PDE3A: variants seen among roughly 807,000 people sequenced by gnomAD.
PDE3A encodes cGMP-inhibited 3',5'-cyclic phosphodiesterase 3A.
In PDE3A, 43 loss-of-function variants were observed where a neutral mutation model predicts 98.3. The ratio of observed to expected loss-of-function variants is 0.44; its 90% confidence interval spans 0.34 to 0.56. The LOEUF is 0.56. Ranked by LOEUF, PDE3A falls within the 20% of genes least tolerant of loss-of-function variation. The probability of loss-of-function intolerance (pLI) is 0.01; values close to 1 mark genes in which losing one functional copy is unlikely to be tolerated. For synonymous variants in PDE3A, 663 were observed against 567.9 expected (o/e 1.17, Z -2.38); for missense variants, 1,427 against 1,440.7 (o/e 0.99, Z 0.15).
chr12:20,522,209 G>A (rs1680041787), intron 1 of PDE3A, among the ~76,000 whole-genome samples: 1 of 152,102 alleles, frequency 6.6e-6, no homozygotes, highest in African/African-American at 2.4e-5. Context: ...ATGTGCTTGC[G>A]ATACAGTGAC....
chr12:20,421,775 T>G (rs1351609190), intron 1 of PDE3A, among the ~76,000 whole-genome samples: 2 of 152,134 alleles, frequency 1.3e-5, no homozygotes, highest in Non-Finnish European at 2.9e-5. Flanking sequence ...TCTAGCTTCT[T>G]GCTCCTTTGA....
At chr12:20,504,615 T>G (rs1946082090) in intron 1 of PDE3A, among the ~76,000 whole-genome samples, 1 of 152,134 alleles carries the variant, frequency 6.6e-6, no homozygotes, top group African/African-American at 2.4e-5. Context: ...CTCAAGTATC[T>G]GAGAGGGATC....
intron 1 of PDE3A, among the ~76,000 whole-genome samples, chr12:20,416,781 C>A (rs556905517): frequency 6.6e-6 from 1 of 152,082 alleles, no homozygotes; most frequent in Non-Finnish European, 1.5e-5. Flanking sequence ...GCAAATTCTT[C>A]TTTGCCCAGG....
Position 20,370,058 on chromosome 12 carries a change from C to T in PDE3A, c.774C>T (p.Ile258=), listed in dbSNP as rs748639265. ...TCTTGGCCAGGTACGTGGAACAAAT[C>T]TTGCCGCAGTCCGCGGAGGCGGCTC... ...GILLARYVEQ[I]LPQSAEAAPR... Residue 258 remains isoleucine (I), a synonymous_variant, in exon 1 of 16, where the codon ATC becomes ATT. Coordinates refer to ENST00000359062, the MANE Select transcript of PDE3A (RefSeq NM_000921.5). The T allele has an allele frequency of 6.2e-7, 1 of 1,612,806 alleles. No homozygotes were observed. Among genetic ancestry groups the T allele is most frequent in the South Asian group, 1.1e-5 (1 of 91,056 alleles).
chr12:20,371,535 G>C, intron 1 of PDE3A: 2 of 822,892 alleles, frequency 2.4e-6, no homozygotes, highest in Non-Finnish European at 2.9e-6. Flanking sequence ...CTAAGAAATA[G>C]CAGTCACCAT....
At chr12:20,536,217 TAAAG>T (rs1941744494) in intron 1 of PDE3A, among the ~76,000 whole-genome samples, 1 of 152,092 alleles carries the variant, frequency 6.6e-6, no homozygotes, top group Admixed American at 6.5e-5. Context: ...ATCTTACACA[TAAAG>T]AAGTTAGTTA....
chr12:20,449,559 G>C, intron 1 of PDE3A: 2 of 278,542 alleles, frequency 7.2e-6, no homozygotes, highest in Non-Finnish European at 1.4e-5. Context: ...AGTTTCCACA[G>C]AGTCCTTCCA....
intron 1 of PDE3A, among the ~76,000 whole-genome samples, chr12:20,437,858 C>G (rs1591931696): frequency 1.3e-5 from 2 of 152,144 alleles, no homozygotes; most frequent in South Asian, 4.2e-4. Context: ...AGTAGACATG[C>G]CTTTGATTGC....
intron 1 of PDE3A, among the ~76,000 whole-genome samples, chr12:20,406,500 T>A (rs1159629607): frequency 6.6e-6 from 1 of 152,228 alleles, no homozygotes; most frequent in Non-Finnish European, 1.5e-5. Flanking sequence ...CCTTTTCATG[T>A]ACTTGTTGGC....
intron 5 of PDE3A, among the ~76,000 whole-genome samples, chr12:20,621,724 C>A (rs1944141246): frequency 6.6e-6 from 1 of 151,980 alleles, no homozygotes; most frequent in Non-Finnish European, 1.5e-5. Flanking sequence ...AATAGAAATT[C>A]CAATTTTTTA....
chr12:20,522,435 C>T (rs988609601), intron 1 of PDE3A, among the ~76,000 whole-genome samples: 1 of 152,026 alleles, frequency 6.6e-6, no homozygotes, highest in Admixed American at 6.6e-5. Context: ...AGAACTACTG[C>T]AAAAGACAGA....
chr12:20,674,797 T>C (rs1026867207), intron 15 of PDE3A, among the ~76,000 whole-genome samples: 2 of 152,134 alleles, frequency 1.3e-5, no homozygotes, highest in African/African-American at 4.8e-5. Flanking sequence ...TAATGTCTCC[T>C]TTTTCATTTC....
At chr12:20,550,471 ACTT>A (rs1942168965) in intron 1 of PDE3A, among the ~76,000 whole-genome samples, 1 of 152,118 alleles carries the variant, frequency 6.6e-6, no homozygotes, top group African/African-American at 2.4e-5. Context: ...AAATCATACT[ACTT>A]ATTTCATTAG....
At chr12:20,406,472 G>T (rs1944235239) in intron 1 of PDE3A, among the ~76,000 whole-genome samples, 1 of 152,134 alleles carries the variant, frequency 6.6e-6, no homozygotes, top group Non-Finnish European at 1.5e-5. Context: ...TTCCCCGGAT[G>T]ATTACTGAAG....
At chr12:20,388,880 T>C (rs773642245) in intron 1 of PDE3A, among the ~76,000 whole-genome samples, 25 of 151,998 alleles carry the variant, frequency 1.6e-4, no homozygotes, top group Non-Finnish European at 3.4e-4. Context: ...AAACAATGTG[T>C]ACATAATATT....
intron 15 of PDE3A, among the ~76,000 whole-genome samples, chr12:20,654,965 G>C (rs1945010495): frequency 6.6e-6 from 1 of 152,042 alleles, no homozygotes; most frequent in Non-Finnish European, 1.5e-5. Flanking sequence ...TTGAGCATCT[G>C]CTCTGTGCCA....
chr12:20,488,188 C>T (rs999027929), intron 1 of PDE3A, among the ~76,000 whole-genome samples: 2 of 152,090 alleles, frequency 1.3e-5, no homozygotes, highest in Admixed American at 6.6e-5. Context: ...GTCAACCTCT[C>T]TCTTTTTCAC....
rs1386466881 is a variant in PDE3A, at chr12:20,683,476, G to C, written c.*3205G>C. On this transcript the variant is annotated 3_prime_UTR_variant, in exon 16 of 16. Coordinates refer to ENST00000359062, the MANE Select transcript of PDE3A (RefSeq NM_000921.5). ...TTGGAACTGGTTACCTGGATGCCAT[G>C]GTTCTCTGTTAAATAAAGTAAGAGA... 6.6e-6 allele frequency: 1 copy of C among 152,094 alleles called. No individual in the cohort carries two copies. Among genetic ancestry groups the C allele is most frequent in the Non-Finnish European group, 1.5e-5 (1 of 68,014 alleles). The allele number at this position is 152,094 out of a possible 1,614,324, so 9.4% of individuals were successfully genotyped here. A position where few individuals can be genotyped will look rare whatever the true frequency, so the allele number is the denominator to read the frequency against.
intron 1 of PDE3A, among the ~76,000 whole-genome samples, chr12:20,512,580 T>G (rs1261547183): frequency 4.6e-5 from 7 of 152,062 alleles, no homozygotes; most frequent in Admixed American, 4.6e-4. Flanking sequence ...AAATTTCACC[T>G]CCCAGAAAGG....
Sources: gnomAD v4.1 joint callset for allele counts (sites outside exome capture counted in the v4.1 genomes callset) on GRCh38, gnomAD v4.1.1 for gene constraint, MANE v1.5 for transcripts, NCBI Gene and HGNC (gene_info 2026-07-23, HGNC 2026-07-21) for gene names.